Variants in KLHL11 observed in about 807,000 individuals in gnomAD.
KLHL11 encodes kelch like family member 11, also known as kelch-like protein 11.
KLHL11 carries 26 observed loss-of-function variants against 56.1 expected under a neutral mutation model. The ratio of observed to expected loss-of-function variants is 0.46; its 90% CI spans 0.34 to 0.64. The LOEUF (loss-of-function observed/expected upper bound fraction) is 0.64, where lower values mean the gene tolerates loss of function less well. KLHL11 is among the 30% of genes least tolerant of loss of function. KLHL11 has a pLI of 0.01. For synonymous variants in KLHL11, 338 were observed against 345.8 expected (o/e 0.98, Z 0.25); for missense variants, 627 against 919.4 (o/e 0.68, Z 4.11).
intron 1 of KLHL11, among the ~76,000 whole-genome samples, chr17:41,860,806 C>T (rs1037369127): frequency 3.3e-5 from 5 of 152,174 alleles, no homozygotes; most frequent in Non-Finnish European, 7.3e-5. Flanking sequence ...AGCAGTTGTA[C>T]CCTATACTTT....
chr17:41,849,296 A>C lies in KLHL11; in HGVS notation c.*4444T>G. 6.6e-6 allele frequency: 1 copy of C among 152,350 alleles called. No homozygotes were observed. The highest frequency in any genetic ancestry group is 1.9e-4 in the East Asian group (1 of 5,194). 9.4% of individuals were successfully genotyped at this position (152,350 alleles called of 1,614,324 possible). A position where few individuals can be genotyped will look rare whatever the true frequency, so the allele number is the denominator to read the frequency against. On this transcript the variant is annotated 3_prime_UTR_variant, in exon 2 of 2. Coordinates refer to ENST00000319121, the MANE Select transcript of KLHL11 (RefSeq NM_018143.3). ...TTAAACTTAATTTGAGAAAAGTATCAAAAAAGAAGTCCCTTTAGTTATGCT... is the reference window on the plus strand; with the variant it reads ...TTAAACTTAATTTGAGAAAAGTATCCAAAAAGAAGTCCCTTTAGTTATGCT...
rs1876592545 is a variant in KLHL11, at chr17:41,865,344, C to CGCCGCCGCCACT, written c.15_26dup (p.Val6_Ala9dup). 1 of 1,440,962 alleles carries CGCCGCCGCCACT rather than the reference C, an allele frequency of 6.9e-7. No homozygotes were observed. Among genetic ancestry groups the CGCCGCCGCCACT allele is most frequent in the Non-Finnish European group, 9.0e-7 (1 of 1,110,650 alleles). The allele number at this position is 1,440,962 out of a possible 1,614,324, so 89.3% of individuals were successfully genotyped here. A position where few individuals can be genotyped will look rare whatever the true frequency, so the allele number is the denominator to read the frequency against. The stretch of plus-strand genomic sequence containing the variant: ...GAGATGCAGCCGCGGCCGCCGCCGC[C>CGCCGCCGCCACT]GCCGCCGCCACTGCCGCAGCCGCCA... On this transcript the variant is annotated inframe_insertion, in exon 1 of 2. Coordinates refer to ENST00000319121, the MANE Select transcript of KLHL11 (RefSeq NM_018143.3).
At chr17:41,862,961 A>G (rs554970358) in intron 1 of KLHL11, among the ~76,000 whole-genome samples, 1 of 152,104 alleles carries the variant, frequency 6.6e-6, no homozygotes, top group African/African-American at 2.4e-5. Flanking sequence ...CATCCTTCCC[A>G]TTGCTTGGGT....
Position 41,865,302 on chromosome 17 carries a change from C to T in KLHL11, c.69G>A (p.Met23Ile), listed in dbSNP as rs782138401. The change falls in exon 1 of 2, where the codon ATG (methionine) becomes ATA (isoleucine). Residue 23 changes from methionine to isoleucine, a missense_variant. Transcript: ENST00000319121. Reference sequence around the variant, plus strand: ...CGGCGGCGGCCGTCTCCATGCTCTCCATCTCCAGTACCTGAAGAGATGCAG... The same window carrying T: ...CGGCGGCGGCCGTCTCCATGCTCTCTATCTCCAGTACCTGAAGAGATGCAG... ...AAAASLQVLE[M>I]ESMETAAAGS... 1.9e-6 allele frequency: 3 copies of T among 1,560,212 alleles called. No homozygotes were observed. In the South Asian group the frequency reaches 3.5e-5, roughly 18 times the overall value.
At chr17:41,864,580 A>G (rs1461796894) in intron 1 of KLHL11, among the ~76,000 whole-genome samples, 1 of 152,200 alleles carries the variant, frequency 6.6e-6, no homozygotes, top group Admixed American at 6.5e-5. Flanking sequence ...TTTCCTTTTC[A>G]TCACTTTTGT....
chr17:41,859,702 C>G (rs1555622898), intron 1 of KLHL11, among the ~76,000 whole-genome samples: 1 of 152,156 alleles, frequency 6.6e-6, no homozygotes, highest in Non-Finnish European at 1.5e-5. Context: ...GAGCTGAGAT[C>G]ACGCCACTGC....
intron 1 of KLHL11, among the ~76,000 whole-genome samples, chr17:41,862,305 C>T (rs1187987740): frequency 6.6e-6 from 1 of 151,464 alleles, no homozygotes; most frequent in Non-Finnish European, 1.5e-5. Flanking sequence ...TGGAGTCTCA[C>T]TCTGTTGCCT....
intron 1 of KLHL11, among the ~76,000 whole-genome samples, chr17:41,859,994 AGTAACCGTTT>A (rs2048392737): frequency 2.6e-5 from 4 of 152,218 alleles, no homozygotes; most frequent in Non-Finnish European, 5.9e-5. Context: ...CTCGCAATTC[AGTAACCGTTT>A]GTTATTAGTG....
Position 41,853,308 on chromosome 17 carries a change from T to C in KLHL11, c.*432A>G, listed in dbSNP as rs1193287971. On this transcript the variant is annotated 3_prime_UTR_variant, in exon 2 of 2. Transcript: ENST00000319121. ...GCACATGCCTCCTGCAGATGAGGGC[T>C]CAATGCAGAAGTCAGATCTTGCCAA... Among the ~76,000 whole-genome samples the C allele has an allele frequency of 6.6e-6, 1 of 152,222 alleles. No homozygotes were observed. Among genetic ancestry groups the C allele is most frequent in the East Asian group, 1.9e-4 (1 of 5,204 alleles).
Position 41,849,935 on chromosome 17 carries a change from A to G in KLHL11, c.*3805T>C, listed in dbSNP as rs2048323612. 2 of 152,222 alleles carry G rather than the reference A, an allele frequency of 1.3e-5. No homozygotes were observed. The highest frequency in any genetic ancestry group is 4.8e-5 in the African/African-American group (2 of 41,468). 9.4% of individuals were successfully genotyped at this position (152,222 alleles called of 1,614,324 possible). A position where few individuals can be genotyped will look rare whatever the true frequency, so the allele number is the denominator to read the frequency against. On this transcript the variant is annotated 3_prime_UTR_variant, in exon 2 of 2. Transcript: ENST00000319121. ...TAACTTCCTCTCTCTTCTACAAACA[A>G]AAGCAAAAGCAACAAAACAAAGGTT...
rs1166937441 is a variant in KLHL11 at position 41,851,864 on chromosome 17, T to C, written c.*1876A>G. On this transcript the variant is annotated 3_prime_UTR_variant, in exon 2 of 2. Coordinates refer to ENST00000319121, the MANE Select transcript of KLHL11 (RefSeq NM_018143.3). ...AGGTGGAGGTTGTAGTGAGCCGAGA[T>C]CATACCACTGTACTCCAACCTGGGT... 6.7e-6 allele frequency among the ~76,000 whole-genome samples: 1 copy of C among 150,076 alleles called. No homozygotes were observed. The highest frequency in any genetic ancestry group is 2.5e-5 in the African/African-American group (1 of 40,566).
Position 41,865,300 on chromosome 17 carries a change from T to G in KLHL11, c.71A>C (p.Glu24Ala). 5 of 1,558,854 alleles carry G rather than the reference T, an allele frequency of 3.2e-6. No individual in the cohort carries two copies. The highest frequency in any genetic ancestry group is 4.3e-6 in the Non-Finnish European group (5 of 1,162,622). The change falls in exon 1 of 2, where the codon GAG becomes GCG. Residue 24 changes from glutamate to alanine, a missense_variant. By Grantham distance (107) the Glu-to-Ala change is moderately radical (BLOSUM62 -1). Transcript: ENST00000319121. Reference protein sequence around the residue: ...AAASLQVLEMESMETAAAGSA... With the variant: ...AAASLQVLEMASMETAAAGSA... ...GCCGGCGGCGGCCGTCTCCATGCTC[T>G]CCATCTCCAGTACCTGAAGAGATGC...
chr17:41,854,699 G>C lies in KLHL11; in HGVS notation c.1168C>G (p.Leu390Val). Residue 390 changes from leucine to valine, a missense_variant, in exon 2 of 2, where the codon CTG becomes GTG. Coordinates refer to ENST00000319121, the MANE Select transcript of KLHL11 (RefSeq NM_018143.3). The surrounding 1 kb of genome is among the most constrained non-coding windows in gnomAD (Gnocchi z 4.9). ...TCGAGGTGATTATGAATATGTGGCA[G>C]ATTTACCCATCTGTCCTCATCAACA... Reference protein sequence around the residue: ...YFVDEDRWVNLPHIHNHLDGH... With the variant: ...YFVDEDRWVNVPHIHNHLDGH... The C allele has an allele frequency of 6.2e-7, 1 of 1,614,054 alleles. No individual in the cohort carries two copies. The highest frequency in any genetic ancestry group is 8.5e-7 in the Non-Finnish European group (1 of 1,180,020).
At position 41,852,493 on chromosome 17, in the gene KLHL11, G is replaced by C. The variant is rs879959098; in HGVS notation, c.*1247C>G. On this transcript the variant is annotated 3_prime_UTR_variant, in exon 2 of 2. Coordinates refer to ENST00000319121, the MANE Select transcript of KLHL11 (RefSeq NM_018143.3). ...CCATTTTGGAAAAAAACAGTTTCTT[G>C]TAGAAAAGAATAATGGACTGGGCAC... Among the ~76,000 whole-genome samples, 2 of 151,556 alleles carry C rather than the reference G, an allele frequency of 1.3e-5. No individual in the cohort carries two copies. Among genetic ancestry groups the C allele is most frequent in the Non-Finnish European group, 2.9e-5 (2 of 67,904 alleles).
In KLHL11 at chr17:41,849,976, T is replaced by TTTAG. The variant is rs2048324040; in HGVS notation, c.*3763_*3764insCTAA. On this transcript the variant is annotated 3_prime_UTR_variant, in exon 2 of 2. Coordinates refer to ENST00000319121, the MANE Select transcript of KLHL11 (RefSeq NM_018143.3). ...AACAAAGGTTTGCTTGAATACGCAT[T>TTTAG]AAGCTGTCTTTCTAAAGTCATGTTT... 1 of 152,196 alleles carries TTTAG rather than the reference T, an allele frequency of 6.6e-6. No homozygotes were observed. Among genetic ancestry groups the TTTAG allele is most frequent in the African/African-American group, 2.4e-5 (1 of 41,452 alleles). 9.4% of individuals were successfully genotyped at this position (152,196 alleles called of 1,614,324 possible).
chr17:41,859,166 C>A (rs2048387054), intron 1 of KLHL11, among the ~76,000 whole-genome samples: 1 of 152,068 alleles, frequency 6.6e-6, no homozygotes, highest in Admixed American at 6.6e-5. Context: ...GAAGATTTGT[C>A]CTGAATTGGG....
At position 41,865,347 on chromosome 17, in the gene KLHL11, C is replaced by CGCCACT. The variant is rs2048436640; in HGVS notation, c.23_24insAGTGGC (p.Ala8_Ala9insValAla). On this transcript the variant is annotated inframe_insertion, in exon 1 of 2. Transcript: ENST00000319121. ...ATGCAGCCGCGGCCGCCGCCGCCGC[C>CGCCACT]GCCGCCACTGCCGCAGCCGCCATCT... 6.9e-7 allele frequency: 1 copy of CGCCACT among 1,443,884 alleles called. No individual in the cohort carries two copies. The highest frequency in any genetic ancestry group is 1.5e-5 in the African/African-American group (1 of 66,300). The allele number at this position is 1,443,884 out of a possible 1,614,324, so 89.4% of individuals were successfully genotyped here. A position where few individuals can be genotyped will look rare whatever the true frequency, so the allele number is the denominator to read the frequency against.
Position 41,849,633 on chromosome 17 carries a change from C to T in KLHL11, c.*4107G>A, listed in dbSNP as rs1555621877. The T allele has an allele frequency of 6.6e-6, 1 of 152,102 alleles. No homozygotes were observed. Among genetic ancestry groups the T allele is most frequent in the Non-Finnish European group, 1.5e-5 (1 of 67,994 alleles). 9.4% of individuals were successfully genotyped at this position (152,102 alleles called of 1,614,324 possible). A position where few individuals can be genotyped will look rare whatever the true frequency, so the allele number is the denominator to read the frequency against. On this transcript the variant is annotated 3_prime_UTR_variant, in exon 2 of 2. Coordinates refer to ENST00000319121, the MANE Select transcript of KLHL11 (RefSeq NM_018143.3). ...ACTATATAAAACCGGGTGATCAAAACAAAACTTATGTCATGAATTTTAAGA... is the reference window on the plus strand; with the variant it reads ...ACTATATAAAACCGGGTGATCAAAATAAAACTTATGTCATGAATTTTAAGA...
chr17:41,855,831 C>A (rs1289121492), intron 1 of KLHL11, among the ~76,000 whole-genome samples: 1 of 148,830 alleles, frequency 6.7e-6, no homozygotes, highest in Non-Finnish European at 1.5e-5. Flanking sequence ...GCCACCACAC[C>A]CAGCTAATTT....
Sources: allele counts gnomAD v4.1 joint callset (sites outside exome capture counted in the v4.1 genomes callset), GRCh38; gene constraint gnomAD v4.1.1; non-coding constraint Gnocchi (gnomAD v3.1); transcripts MANE v1.5; gene names NCBI Gene and HGNC (gene_info 2026-07-23, HGNC 2026-07-21).